DNAH14: variants seen among roughly 807,000 people sequenced by gnomAD.
DNAH14 encodes dynein axonemal heavy chain 14.
DNAH14 carries 478 observed loss-of-function variants against 520.9 expected under a neutral mutation model. That is an observed-to-expected ratio of 0.92 (90% CI 0.85 to 0.99). The LOEUF (loss-of-function observed/expected upper bound fraction) is 0.99, where lower values mean the gene tolerates loss of function less well. Ranked by LOEUF, DNAH14 falls within the 50% of genes least tolerant of loss-of-function variation. The pLI is 0.00. For synonymous variants in DNAH14, 1,581 were observed against 1,757.2 expected, an observed-to-expected ratio of 0.90 and a Z score of 2.51; for missense variants, 4,831 against 5,234.5, an observed-to-expected ratio of 0.92 and a Z score of 2.38.
chr1:225,112,799 T>C (rs1193601677), intron 23 of DNAH14, among the ~76,000 whole-genome samples: 1 of 152,076 alleles, frequency 6.6e-6, no homozygotes, highest in African/African-American at 2.4e-5. Flanking sequence ...GTCAATTGCA[T>C]TTTTCAAATA....
At chr1:225,022,780 G>C (rs2065810993) in intron 10 of DNAH14, among the ~76,000 whole-genome samples, 1 of 152,210 alleles carries the variant, frequency 6.6e-6, no homozygotes, top group African/African-American at 2.4e-5. Flanking sequence ...CTACCAAAAA[G>C]ACACATTCAT....
rs551053713 is a variant in DNAH14 at position 225,263,362 on chromosome 1, T to C, written c.7158-835T>C. Among the ~76,000 whole-genome samples the C allele has an allele frequency of 6.8e-4, 104 of 151,846 alleles. 1 individual carries two copies. The highest frequency in any genetic ancestry group is 1.3e-3 in the Non-Finnish European group (85 of 67,888). On this transcript the variant is annotated intron_variant, in intron 46 of 85. Coordinates refer to ENST00000682510, the MANE Select transcript of DNAH14 (RefSeq NM_001367479.1). ...CCTATCCTTCCTCTAGTGCTTCTTA[T>C]CTCAATAAACGGGACGCAGTTATTC...
At position 225,399,035 on chromosome 1, in the gene DNAH14, ATTTT is replaced by A. The variant is rs77118391; in HGVS notation, c.13639-8_13639-5del. ...TTGAACTATGCAATTTGACTACTGG[ATTTT>A]TTTTTTTTTTAAAGATTTCTACCAA... On this transcript the variant is annotated splice_polypyrimidine_tract_variant and intron_variant, in intron 85 of 85. Transcript: ENST00000682510. The A allele has an allele frequency of 7.0e-6, 8 of 1,149,544 alleles. No individual in the cohort carries two copies. Among genetic ancestry groups the A allele is most frequent in the African/African-American group, 1.6e-5 (1 of 62,572 alleles). The allele number at this position is 1,149,544 out of a possible 1,614,324, so 71.2% of individuals were successfully genotyped here. A position where few individuals can be genotyped will look rare whatever the true frequency, so the allele number is the denominator to read the frequency against.
chr1:224,953,656 A>G (rs984165997), intron 2 of DNAH14, among the ~76,000 whole-genome samples: 8 of 152,192 alleles, frequency 5.3e-5, no homozygotes, highest in African/African-American at 1.9e-4. Flanking sequence ...TTAAGTGAAC[A>G]TAGACTTGGC....
At chr1:225,335,506 C>CATAT (rs1408826544) in intron 66 of DNAH14, among the ~76,000 whole-genome samples, 1 of 48,204 alleles carries the variant, frequency 2.1e-5, no homozygotes, top group African/African-American at 1.5e-4. Context: ...TACATGTACA[C>CATAT]ATATACATAT....
At chr1:225,350,722 A>G (rs1386870153) in intron 71 of DNAH14, among the ~76,000 whole-genome samples, 1 of 152,114 alleles carries the variant, frequency 6.6e-6, no homozygotes, top group African/African-American at 2.4e-5. Flanking sequence ...TGAACACACC[A>G]ATAACAAGGA....
At position 225,240,633 on chromosome 1, in the gene DNAH14, T is replaced by C. The variant is rs1380119730; in HGVS notation, c.6559T>C (p.Leu2187=). The part of the protein sequence containing the change: ...TWYPEKNPDK[L]TKIIQKLFVF... Reference sequence around the variant, plus strand: ...GTATCCAGAGAAAAATCCTGATAAATTAACAAAAATTATTCAAAAGCTTTT... The same window carrying C: ...GTATCCAGAGAAAAATCCTGATAAACTAACAAAAATTATTCAAAAGCTTTT... Residue 2187 remains leucine (L), a synonymous_variant, in exon 43 of 86, where the codon TTA becomes CTA. Coordinates refer to ENST00000682510, the MANE Select transcript of DNAH14 (RefSeq NM_001367479.1). 2 of 1,550,588 alleles carry C rather than the reference T, an allele frequency of 1.3e-6. No homozygotes were observed. The highest frequency in any genetic ancestry group is 1.2e-5 in the South Asian group (1 of 83,978).
At chr1:225,260,614 T>C (rs941347196) in intron 46 of DNAH14, among the ~76,000 whole-genome samples, 15 of 152,162 alleles carry the variant, frequency 9.9e-5, no homozygotes, top group African/African-American at 2.6e-4. Context: ...GCTTTTTTTT[T>C]TCCCCCCCTC....
At chr1:225,200,902 C>G (rs2086738148) in intron 38 of DNAH14, among the ~76,000 whole-genome samples, 1 of 152,050 alleles carries the variant, frequency 6.6e-6, no homozygotes, top group Non-Finnish European at 1.5e-5. Flanking sequence ...ATGTCTAGGT[C>G]TCTAGTAAGG....
intron 17 of DNAH14, among the ~76,000 whole-genome samples, chr1:225,052,505 C>T (rs1220085282): frequency 2.0e-5 from 3 of 152,148 alleles, no homozygotes; most frequent in Non-Finnish European, 4.4e-5. Flanking sequence ...TTTATTAAAT[C>T]AGACCACAAA....
At chr1:225,006,548 A>T (rs1037734202) in intron 9 of DNAH14, among the ~76,000 whole-genome samples, 4 of 36,586 alleles carry the variant, frequency 1.1e-4, no homozygotes. Flanking sequence ...ATTGGGGTTG[A>T]AGATAAGGGA....
At chr1:225,019,390 C>T (rs1320008019) in intron 10 of DNAH14, among the ~76,000 whole-genome samples, 1 of 152,174 alleles carries the variant, frequency 6.6e-6, no homozygotes, top group East Asian at 1.9e-4. Context: ...AATATATGCA[C>T]ACCCAATATT....
chr1:225,041,081 A>T (rs1000939849), intron 12 of DNAH14, among the ~76,000 whole-genome samples: 8 of 152,186 alleles, frequency 5.3e-5, no homozygotes, highest in Admixed American at 1.3e-4. Flanking sequence ...CAGAGTGGAG[A>T]TTTGGACACA....
intron 58 of DNAH14, 31 bp downstream of exon 58, chr1:225,305,120 T>G: frequency 1.3e-6 from 2 of 1,505,036 alleles, no homozygotes; most frequent in Non-Finnish European, 1.8e-6. Flanking sequence ...CATAAATATA[T>G]TTTATATTGG....
At position 225,051,565 on chromosome 1, in the gene DNAH14, A is replaced by G; in HGVS notation, c.2194A>G (p.Ile732Val). The change falls in exon 17 of 86, where the codon ATA becomes GTA. Residue 732 changes from isoleucine to valine, a missense_variant. Transcript: ENST00000682510. ...AAAGGCCAAAATCATGAGTATGAAAATATCATCTATGGGAGAATTAACTTC... is the reference window on the plus strand; with the variant it reads ...AAAGGCCAAAATCATGAGTATGAAAGTATCATCTATGGGAGAATTAACTTC... ...TEKAKIMSMK[I>V]SSMGELTSKE... 3.9e-6 allele frequency: 6 copies of G among 1,551,094 alleles called. No individual in the cohort carries two copies. The highest frequency in any genetic ancestry group is 5.2e-6 in the Non-Finnish European group (6 of 1,146,640).
At chr1:225,389,605 A>G in intron 82 of DNAH14, 129 bp from the exon 83 acceptor site, 1 of 1,056,622 alleles carries the variant, frequency 9.5e-7, no homozygotes, top group Non-Finnish European at 1.3e-6. Flanking sequence ...AGGGCCTGAT[A>G]AGAGTCCTGC....
At position 225,078,859 on chromosome 1, in the gene DNAH14, C is replaced by CCT. The variant is rs752732306; in HGVS notation, c.2425-310_2425-309dup. On this transcript the variant is annotated intron_variant, in intron 17 of 85. Coordinates refer to ENST00000682510, the MANE Select transcript of DNAH14 (RefSeq NM_001367479.1). ...CTCTCTCTCCCTCTCTCTCTCTCTCCCTCTCTCTCTCTCTCTCTCTCTCTC... is the reference window on the plus strand; with the variant it reads ...CTCTCTCTCCCTCTCTCTCTCTCTCCCTCTCTCTCTCTCTCTCTCTCTCTCTC... 1.6e-3 allele frequency among the ~76,000 whole-genome samples: 31 copies of CCT among 18,990 alleles called. 1 individual carries two copies. Among genetic ancestry groups the CCT allele is most frequent in the South Asian group, 0.014 (7 of 514 alleles). The allele number at this position is 18,990 out of a possible 152,430, so 12.5% of individuals were successfully genotyped here. A position where few individuals can be genotyped will look rare whatever the true frequency, so the allele number is the denominator to read the frequency against.
chr1:225,210,646 G>A (rs758742453), intron 41 of DNAH14, among the ~76,000 whole-genome samples: 4 of 152,284 alleles, frequency 2.6e-5, no homozygotes, highest in South Asian at 2.1e-4. Flanking sequence ...CACAGTGCTC[G>A]AGCTCTGCTA....
chr1:224,967,795 A>G (rs2125603496), intron 6 of DNAH14: 2 of 1,423,982 alleles, frequency 1.4e-6, no homozygotes, highest in East Asian at 5.2e-5. Context: ...TTCAACTTTA[A>G]TAAATTTTTT....
Sources: allele counts gnomAD v4.1 joint callset (sites outside exome capture counted in the v4.1 genomes callset), GRCh38; gene constraint gnomAD v4.1.1; transcripts MANE v1.5; gene names NCBI Gene and HGNC (gene_info 2026-07-23, HGNC 2026-07-21).